SEC22C: variants seen among roughly 807,000 people sequenced by gnomAD.
SEC22C encodes the protein SEC22 homolog C, vesicle trafficking protein.
SEC22C carries 29 observed loss-of-function variants against 34.7 expected under a neutral mutation model. That is an observed-to-expected ratio of 0.84 (90% CI 0.62 to 1.14). The LOEUF (loss-of-function observed/expected upper bound fraction) is 1.14, where lower values mean the gene tolerates loss of function less well. Ranked by LOEUF, SEC22C falls within the 50% of genes most tolerant of loss-of-function variation. The pLI, the probability that SEC22C is intolerant of heterozygous loss-of-function variation, is 0.00. For synonymous variants in SEC22C, 117 were observed against 132.8 expected (o/e 0.88, Z 0.82); for missense variants, 337 against 369.0 (o/e 0.91, Z 0.71).
chr3:42,555,766 C>T (rs975039589), intron 6 of SEC22C, among the ~76,000 whole-genome samples, 164 bp downstream of exon 6: 1 of 152,198 alleles, frequency 6.6e-6, no homozygotes, highest in African/African-American at 2.4e-5. Context: ...GAGGACTGGC[C>T]AGGATGGGCC....
chr3:42,548,827 T>A lies in SEC22C; in HGVS notation c.*4421A>T. ...TAAAGGCCAGAAGAAATGGCTGTGC[T>A]GTGCTGCCTGAAGCAGAAAAACCTT... On this transcript the variant is annotated 3_prime_UTR_variant, in exon 7 of 7. Coordinates refer to ENST00000264454, the MANE Select transcript of SEC22C (RefSeq NM_032970.4). 1 of 1,425,416 alleles carries A rather than the reference T, an allele frequency of 7.0e-7. No individual in the cohort carries two copies. The highest frequency in any genetic ancestry group is 9.2e-7 in the Non-Finnish European group (1 of 1,089,182). The allele number at this position is 1,425,416 out of a possible 1,614,324, so 88.3% of individuals were successfully genotyped here.
At chr3:42,586,246 GAC>G (rs1264819119), upstream of SEC22C, among the ~76,000 whole-genome samples, 1 of 152,158 alleles carries the variant, frequency 6.6e-6, no homozygotes, top group South Asian at 2.1e-4. Context: ...TTGTTGTTGA[GAC>G]AGAGTCTCGC....
At chr3:42,560,120 C>A (rs56289310) in intron 4 of SEC22C, among the ~76,000 whole-genome samples, 21,679 of 92,258 alleles carry the variant, frequency 0.23, 2,145 homozygotes, top group Middle Eastern at 0.32. Context: ...CTCTCTCTCT[C>A]TATATATATA....
At chr3:42,599,452 G>A (rs533411448) in intron 1 of SEC22C, among the ~76,000 whole-genome samples, 17 of 150,812 alleles carry the variant, frequency 1.1e-4, no homozygotes, top group African/African-American at 4.1e-4. Context: ...CAGCACTTTG[G>A]GAGGCCGAGG....
At chr3:42,560,134 AT>A (rs1559514966) in intron 4 of SEC22C, among the ~76,000 whole-genome samples, 10 of 145,422 alleles carry the variant, frequency 6.9e-5, no homozygotes, top group African/African-American at 2.0e-4. Context: ...ATATATATAT[AT>A]ATAAATAATA....
intron 1 of SEC22C, among the ~76,000 whole-genome samples, chr3:42,598,326 A>T (rs954333911): frequency 2.8e-5 from 4 of 140,838 alleles, no homozygotes; most frequent in Non-Finnish European, 4.7e-5. Context: ...AAAAGAACAA[A>T]TTTTTTTTTT....
intron 1 of SEC22C, among the ~76,000 whole-genome samples, chr3:42,572,665 G>C (rs1329805553): frequency 1.3e-5 from 2 of 152,126 alleles, no homozygotes; most frequent in Admixed American, 6.5e-5. Context: ...CTGCTGGAGT[G>C]GTGTTCAGAA....
chr3:42,559,804 A>G (rs1702759323), intron 4 of SEC22C, among the ~76,000 whole-genome samples: 1 of 152,206 alleles, frequency 6.6e-6, no homozygotes, highest in Admixed American at 6.5e-5. Flanking sequence ...GAATGCAAAA[A>G]ATCATACTTT....
At chr3:42,594,954 T>C (rs1277941284) in intron 1 of SEC22C, 1 of 153,136 alleles carries the variant, frequency 6.5e-6, no homozygotes, top group Non-Finnish European at 1.5e-5. Context: ...CTGACTGCTG[T>C]TTTCAGATTG....
chr3:42,550,206 A>G lies in SEC22C; in HGVS notation c.*3042T>C, dbSNP rs1000598717. The G allele has an allele frequency of 6.1e-6, 6 of 985,370 alleles. No individual in the cohort carries two copies. The African/African-American group carries it at 1.0e-4, about 17-fold the overall frequency. The allele number at this position is 985,370 out of a possible 1,614,324, so 61.0% of individuals were successfully genotyped here. ...ACTCTGATGCTCAAGGCCTTGCAGC[A>G]TCTGATACCAGAAGGCACCTCTAAA... On this transcript the variant is annotated 3_prime_UTR_variant, in exon 7 of 7. Transcript: ENST00000264454.
chr3:42,572,074 G>A lies in SEC22C; in HGVS notation c.-27-3001C>T, dbSNP rs556093429. On this transcript the variant is annotated intron_variant, in intron 1 of 6. Coordinates refer to ENST00000264454, the MANE Select transcript of SEC22C (RefSeq NM_032970.4). ...ATTCTGAAAGGTGGAGAAGGAAGAA[G>A]ACTGGCTAGGGACCTTGGGGTCTGA... Among the ~76,000 whole-genome samples the A allele has an allele frequency of 3.9e-4, 60 of 152,206 alleles. 1 individual carries two copies. Among genetic ancestry groups the A allele is most frequent in the Middle Eastern group, 3.4e-3 (1 of 294 alleles).
intron 1 of SEC22C, among the ~76,000 whole-genome samples, chr3:42,598,753 T>C (rs2125744738): frequency 6.6e-6 from 1 of 151,646 alleles, no homozygotes; most frequent in East Asian, 1.9e-4. Flanking sequence ...AAATGGGGAG[T>C]TACTGTTTAA....
At position 42,553,377 on chromosome 3, in the gene SEC22C, C is replaced by G; in HGVS notation, c.783G>C (p.Leu261=). 1 of 1,614,062 alleles carries G rather than the reference C, an allele frequency of 6.2e-7. No homozygotes were observed. The highest frequency in any genetic ancestry group is 8.5e-7 in the Non-Finnish European group (1 of 1,180,014). The change falls in exon 7 of 7, where the codon CTG becomes CTC. Residue 261 remains leucine (L), a synonymous_variant. Transcript: ENST00000264454. ...TCAGCCCGTGCAGGTACATGTTGCC[C>G]AGGCAAATAAAGAGCAGCATAAGCA... ...KVVLMLLFIC[L]GNMYLHGLRN...
intron 1 of SEC22C, among the ~76,000 whole-genome samples, chr3:42,590,325 C>A (rs1704774803): frequency 6.6e-6 from 1 of 152,164 alleles, no homozygotes; most frequent in Non-Finnish European, 1.5e-5. Flanking sequence ...GGGTGCCAGA[C>A]ACGCTGGGTG....
chr3:42,557,797 C>A, intron 4 of SEC22C, 101 bp from the exon 5 acceptor site: 1 of 575,382 alleles, frequency 1.7e-6, no homozygotes, highest in Non-Finnish European at 3.2e-6. Flanking sequence ...GATAGGTTCA[C>A]TATGTTAAAC....
At position 42,553,375 on chromosome 3, in the gene SEC22C, C is replaced by T. The variant is rs758240026; in HGVS notation, c.785G>A (p.Gly262Asp). The change falls in exon 7 of 7, where the codon GGC becomes GAC. Residue 262 changes from glycine (G) to aspartate (D), a missense_variant. Coordinates refer to ENST00000264454, the MANE Select transcript of SEC22C (RefSeq NM_032970.4). ...VVLMLLFICL[G>D]NMYLHGLRNL... Reference sequence around the variant, plus strand: ...CCTCAGCCCGTGCAGGTACATGTTGCCCAGGCAAATAAAGAGCAGCATAAG... The same window carrying T: ...CCTCAGCCCGTGCAGGTACATGTTGTCCAGGCAAATAAAGAGCAGCATAAG... 6.2e-7 allele frequency: 1 copy of T among 1,614,088 alleles called. No homozygotes were observed. Among genetic ancestry groups the T allele is most frequent in the Non-Finnish European group, 8.5e-7 (1 of 1,180,034 alleles).
rs1702080009 is a variant in SEC22C, at chr3:42,548,105, CCATT to C, written c.*5139_*5142del. The C allele has an allele frequency of 1.3e-5, 2 of 153,476 alleles. No homozygotes were observed. The highest frequency in any genetic ancestry group is 4.1e-4 in the South Asian group (2 of 4,920). The allele number at this position is 153,476 out of a possible 1,614,324, so 9.5% of individuals were successfully genotyped here. The stretch of plus-strand genomic sequence containing the variant: ...TACTACTGAGTTTGTTAAAATGTAC[CCATT>C]ATTTACTCAAAATATTTATTGTTAC... On this transcript the variant is annotated 3_prime_UTR_variant, in exon 7 of 7. Coordinates refer to ENST00000264454, the MANE Select transcript of SEC22C (RefSeq NM_032970.4).
chr3:42,567,978 A>G (rs1385877088), intron 2 of SEC22C, among the ~76,000 whole-genome samples: 2 of 152,178 alleles, frequency 1.3e-5, no homozygotes, highest in Non-Finnish European at 2.9e-5. Context: ...AGGCTGAAGC[A>G]GAAGAATCAC....
At chr3:42,566,914 A>T (rs776658173) in intron 2 of SEC22C, 7 of 246,922 alleles carry the variant, frequency 2.8e-5, no homozygotes, top group Non-Finnish European at 5.4e-5. Context: ...TCAATCAATC[A>T]ATCTATCCAA....
Sources: allele counts gnomAD v4.1 joint callset (sites outside exome capture counted in the v4.1 genomes callset), GRCh38; gene constraint gnomAD v4.1.1; transcripts MANE v1.5; gene names NCBI Gene and HGNC (gene_info 2026-07-23, HGNC 2026-07-21).